Variants in MACROD2 observed in about 807,000 individuals in gnomAD.
The protein encoded by MACROD2 is mono-ADP ribosylhydrolase 2.
Under a neutral mutation model 70.4 loss-of-function variants are expected in MACROD2, and 36 were observed. The ratio of observed to expected loss-of-function variants is 0.51; its 90% confidence interval spans 0.39 to 0.68. The LOEUF is 0.68. Ranked by LOEUF, MACROD2 falls within the 30% of genes least tolerant of loss-of-function variation. The pLI is 0.00. For missense variants in MACROD2, 496 were observed against 538.4 expected (o/e 0.92, Z 0.78); for synonymous variants, 172 against 178.8 (o/e 0.96, Z 0.30).
chr20:16,027,403 G>A (rs887830284), intron 15 of MACROD2, among the ~76,000 whole-genome samples: 1 of 152,214 alleles, frequency 6.6e-6, no homozygotes, highest in Non-Finnish European at 1.5e-5. Flanking sequence ...AACAGGACAA[G>A]ATATAGCGCA....
chr20:14,852,935 C>A (rs1327303721), intron 5 of MACROD2, among the ~76,000 whole-genome samples: 1 of 152,092 alleles, frequency 6.6e-6, no homozygotes, highest in African/African-American at 2.4e-5. Flanking sequence ...TTGCTGTCCT[C>A]AAGAAACATA....
chr20:15,807,447 A>G (rs146380597), intron 8 of MACROD2, among the ~76,000 whole-genome samples: 3 of 152,158 alleles, frequency 2.0e-5, no homozygotes, highest in African/African-American at 4.8e-5. Flanking sequence ...ATACACACAC[A>G]CTTCTCCAAG....
intron 5 of MACROD2, among the ~76,000 whole-genome samples, chr20:15,180,490 A>C (rs2076492782): frequency 6.6e-6 from 1 of 152,192 alleles, no homozygotes; most frequent in Non-Finnish European, 1.5e-5. Context: ...TTCAGAAATG[A>C]ATTCCCCTTT....
At chr20:14,831,776 G>A (rs1357242726) in intron 5 of MACROD2, among the ~76,000 whole-genome samples, 4 of 44,390 alleles carry the variant, frequency 9.0e-5, no homozygotes, top group Admixed American at 4.1e-4. Context: ...GTGAAACTCC[G>A]TCTCAAAAAA....
At chr20:15,467,873 T>A (rs1333950405) in intron 7 of MACROD2, among the ~76,000 whole-genome samples, 1 of 152,148 alleles carries the variant, frequency 6.6e-6, no homozygotes, top group African/African-American at 2.4e-5. Context: ...GCATTCTAAT[T>A]TGTATGAAGT....
chr20:15,037,611 C>T (rs2075323290), intron 5 of MACROD2, among the ~76,000 whole-genome samples: 1 of 151,854 alleles, frequency 6.6e-6, no homozygotes, highest in South Asian at 2.1e-4. Flanking sequence ...GAACAATCTT[C>T]CTTACTTTGA....
chr20:15,387,923 A>G (rs957687450), intron 6 of MACROD2, among the ~76,000 whole-genome samples: 1 of 150,806 alleles, frequency 6.6e-6, no homozygotes, highest in Non-Finnish European at 1.5e-5. Flanking sequence ...GTATTTATTT[A>G]TTTTTTTTGT....
intron 6 of MACROD2, among the ~76,000 whole-genome samples, chr20:15,301,826 C>T (rs541919820): frequency 6.6e-6 from 1 of 152,186 alleles, no homozygotes; most frequent in East Asian, 1.9e-4. Flanking sequence ...ATTTAGCTTT[C>T]CCCTTCCATC....
chr20:15,015,326 T>C (rs1446594911), intron 5 of MACROD2, among the ~76,000 whole-genome samples: 1 of 152,168 alleles, frequency 6.6e-6, no homozygotes, highest in Non-Finnish European at 1.5e-5. Context: ...CTTATCTAAT[T>C]GAACTTTCAA....
chr20:14,647,818 A>AT (rs1396263465), intron 4 of MACROD2, among the ~76,000 whole-genome samples: 4 of 151,736 alleles, frequency 2.6e-5, no homozygotes, highest in African/African-American at 7.3e-5. Flanking sequence ...ATTCCTGTTC[A>AT]TTTTTTTTCC....
intron 6 of MACROD2, among the ~76,000 whole-genome samples, chr20:15,320,382 C>T (rs1282991272): frequency 1.3e-5 from 2 of 152,162 alleles, no homozygotes; most frequent in Non-Finnish European, 2.9e-5. Context: ...TTGAATCCTT[C>T]ACTCAAAATG....
Position 15,297,078 on chromosome 20 carries a change from G to A in MACROD2, c.540+67017G>A, listed in dbSNP as rs547696464. Among the ~76,000 whole-genome samples the A allele has an allele frequency of 1.4e-3, 214 of 152,316 alleles. 1 individual carries two copies. Among genetic ancestry groups the A allele is most frequent in the African/African-American group, 4.9e-3 (202 of 41,580 alleles). Reference sequence around the variant, plus strand: ...CCAGTGCTGGGCGGCTTACACAGGAGAAAGGATCCATGATTTCTGCTTTCG... The same window carrying A: ...CCAGTGCTGGGCGGCTTACACAGGAAAAAGGATCCATGATTTCTGCTTTCG... On this transcript the variant is annotated intron_variant, in intron 6 of 17. Transcript: ENST00000684519.
intron 8 of MACROD2, among the ~76,000 whole-genome samples, chr20:15,843,060 G>A (rs893227801): frequency 6.6e-6 from 1 of 152,158 alleles, no homozygotes; most frequent in Non-Finnish European, 1.5e-5. Flanking sequence ...GTGGCACTGA[G>A]CTCACCACTT....
intron 3 of MACROD2, among the ~76,000 whole-genome samples, chr20:14,478,396 T>C (rs76159861): frequency 0.012 from 1,798 of 152,314 alleles, 32 homozygotes; most frequent in African/African-American, 0.041. Context: ...AGCTAAGGAC[T>C]ATCTGCTGTC....
In MACROD2 at chr20:14,426,303, A is replaced by T. The variant is rs573223666; in HGVS notation, c.272-67176A>T. 1.7e-4 allele frequency among the ~76,000 whole-genome samples: 25 copies of T among 151,358 alleles called. No individual in the cohort carries two copies. The South Asian group carries it at 4.8e-3, about 29-fold the overall frequency. On this transcript the variant is annotated intron_variant, in intron 3 of 17. Coordinates refer to ENST00000684519, the MANE Select transcript of MACROD2 (RefSeq NM_001351661.2). ...TTTTGTTATATTTTTTGTTTCCAAG[A>T]CTTATTTTTTTTGTTCCCCAAATAT...
At chr20:14,643,816 G>A (rs181681475) in intron 4 of MACROD2, among the ~76,000 whole-genome samples, 11 of 152,254 alleles carry the variant, frequency 7.2e-5, no homozygotes, top group African/African-American at 2.6e-4. Flanking sequence ...CACAGTACCT[G>A]AAACCTGGTA....
At chr20:15,657,508 GATAA>G (rs1197493843) in intron 8 of MACROD2, among the ~76,000 whole-genome samples, 3 of 152,120 alleles carry the variant, frequency 2.0e-5, no homozygotes, top group East Asian at 1.9e-4. Context: ...AAGATAGATA[GATAA>G]ATAAATAAAT....
At chr20:15,491,814 G>T (rs1197844561) in intron 7 of MACROD2, among the ~76,000 whole-genome samples, 2 of 152,230 alleles carry the variant, frequency 1.3e-5, no homozygotes, top group Non-Finnish European at 2.9e-5. Flanking sequence ...TCAGGTAAAA[G>T]GTTTAAGTCA....
chr20:15,649,103 C>T (rs867619620), intron 8 of MACROD2, among the ~76,000 whole-genome samples: 4 of 105,186 alleles, frequency 3.8e-5, no homozygotes, highest in African/African-American at 1.1e-4. Flanking sequence ...CTCCCCTCCC[C>T]TCCCCTTCCC....
Sources: allele counts gnomAD v4.1 joint callset (sites outside exome capture counted in the v4.1 genomes callset), GRCh38; gene constraint gnomAD v4.1.1; transcripts MANE v1.5; gene names NCBI Gene and HGNC (gene_info 2026-07-23, HGNC 2026-07-21).